Variants in TPRG1 observed in about 807,000 individuals in gnomAD.
TPRG1 encodes the protein tumor protein p63-regulated gene 1 protein.
A neutral mutation model predicts 29.3 loss-of-function variants in TPRG1; 29 were observed. That is an observed-to-expected ratio of 0.99 (90% CI 0.74 to 1.35). The LOEUF (loss-of-function observed/expected upper bound fraction) is 1.35. TPRG1 is among the 40% of genes most tolerant of loss of function. The probability of loss-of-function intolerance (pLI) is 0.00; values close to 1 mark genes in which losing one functional copy is unlikely to be tolerated. For missense variants in TPRG1, 327 were observed against 335.0 expected, an observed-to-expected ratio of 0.98 and a Z score of 0.19; for synonymous variants, 130 against 116.8, an observed-to-expected ratio of 1.11 and a Z score of -0.73.
intron 5 of TPRG1, among the ~76,000 whole-genome samples, chr3:189,155,728 C>G (rs559010736): frequency 1.3e-5 from 2 of 152,228 alleles, no homozygotes; most frequent in East Asian, 3.9e-4. Context: ...GTGGAATAAG[C>G]CAAGCACAGA....
At chr3:189,034,566 G>C (rs1026258734) in intron 4 of TPRG1, among the ~76,000 whole-genome samples, 1 of 152,090 alleles carries the variant, frequency 6.6e-6, no homozygotes, top group Non-Finnish European at 1.5e-5. Context: ...GTGAAATAAA[G>C]GCAAATGAAT....
At chr3:189,053,668 G>T (rs1169161210) in intron 4 of TPRG1, among the ~76,000 whole-genome samples, 7 of 152,152 alleles carry the variant, frequency 4.6e-5, no homozygotes, top group Non-Finnish European at 8.8e-5. Context: ...ATTTGAGACT[G>T]ATCTCCCATC....
At chr3:189,230,652 G>A (rs892468386) in intron 3 of TPRG1, among the ~76,000 whole-genome samples, 5 of 152,030 alleles carry the variant, frequency 3.3e-5, no homozygotes, top group Non-Finnish European at 7.4e-5. Context: ...TCTCTGTATT[G>A]ATGTGTCTGT....
intron 2 of TPRG1, among the ~76,000 whole-genome samples, chr3:189,127,882 A>T (rs1321068713): frequency 6.6e-6 from 1 of 152,114 alleles, no homozygotes; most frequent in Non-Finnish European, 1.5e-5. Flanking sequence ...AATTCCCTAT[A>T]TGCTTAGCTG....
chr3:188,999,945 A>G (rs1008527670), intron 1 of TPRG1, among the ~76,000 whole-genome samples: 9 of 152,128 alleles, frequency 5.9e-5, no homozygotes, highest in African/African-American at 1.9e-4. Context: ...GCATGATTTA[A>G]GAGTTTTGAT....
chr3:189,075,818 C>T (rs1717136075), intron 4 of TPRG1, among the ~76,000 whole-genome samples: 1 of 152,146 alleles, frequency 6.6e-6, no homozygotes, highest in Non-Finnish European at 1.5e-5. Context: ...CGGGGATAAC[C>T]CCATACTTAG....
At chr3:189,289,181 A>G (rs926679322) in intron 4 of TPRG1, among the ~76,000 whole-genome samples, 3 of 152,090 alleles carry the variant, frequency 2.0e-5, no homozygotes, top group Non-Finnish European at 4.4e-5. Context: ...TTTCCCCTAT[A>G]TCTTGCTTCC....
intron 3 of TPRG1, among the ~76,000 whole-genome samples, chr3:189,137,296 ATGTGTGTGTGTGTGTGTGTGTG>A (rs10525363): frequency 1.2e-4 from 16 of 129,904 alleles, no homozygotes; most frequent in African/African-American, 2.6e-4. Flanking sequence ...AAACCCCAAA[ATGTGTGTGTGTGTGTGTGTGTG>A]TGTGTGTGTG....
At chr3:189,156,300 T>C (rs891752904) in intron 5 of TPRG1, among the ~76,000 whole-genome samples, 5 of 152,010 alleles carry the variant, frequency 3.3e-5, no homozygotes, top group South Asian at 4.1e-4. Context: ...GTTTTTCTCT[T>C]AGATCCTCCA....
chr3:189,235,575 C>A (rs1020171667), intron 3 of TPRG1, among the ~76,000 whole-genome samples: 17 of 151,806 alleles, frequency 1.1e-4, no homozygotes, highest in African/African-American at 2.4e-5. Flanking sequence ...GGGACAAGGG[C>A]GGAAAAAGAC....
intron 3 of TPRG1, among the ~76,000 whole-genome samples, chr3:189,228,305 C>A (rs1738096185): frequency 6.6e-6 from 1 of 151,826 alleles, no homozygotes; most frequent in Admixed American, 6.5e-5. Flanking sequence ...ATACCAAAAC[C>A]AAAGACAGTA....
chr3:189,239,125 C>G (rs7618678), intron 4 of TPRG1, among the ~76,000 whole-genome samples: 29,734 of 152,030 alleles, frequency 0.2, 3,199 homozygotes, highest in African/African-American at 0.28. Flanking sequence ...TCACACTGCT[C>G]ATAAAGACAT....
chr3:189,006,991 G>T (rs567842511), intron 3 of TPRG1, among the ~76,000 whole-genome samples: 206 of 152,186 alleles, frequency 1.4e-3, no homozygotes, highest in African/African-American at 4.8e-3. Flanking sequence ...CATGGGCAAG[G>T]ACTTCATGTG....
chr3:189,151,478 A>T (rs1725924533), intron 5 of TPRG1, among the ~76,000 whole-genome samples: 1 of 152,110 alleles, frequency 6.6e-6, no homozygotes, highest in Non-Finnish European at 1.5e-5. Context: ...TTTGTGCTTA[A>T]TTACTGAGGC....
intron 1 of TPRG1, among the ~76,000 whole-genome samples, chr3:189,206,500 C>CT (rs11336790): frequency 0.3 from 38,968 of 131,062 alleles, 7,427 homozygotes; most frequent in African/African-American, 0.56. Context: ...GATGAACAAA[C>CT]TTTTTTTTTT....
intron 4 of TPRG1, among the ~76,000 whole-genome samples, chr3:189,053,474 C>A (rs922240349): frequency 6.6e-6 from 1 of 152,124 alleles, no homozygotes; most frequent in Non-Finnish European, 1.5e-5. Context: ...TTGAAACTTA[C>A]CAGATCACTG....
intron 4 of TPRG1, among the ~76,000 whole-genome samples, chr3:189,275,555 A>T (rs1715994750): frequency 1.3e-5 from 2 of 152,290 alleles, no homozygotes; most frequent in South Asian, 4.1e-4. Flanking sequence ...TATTCCAGGG[A>T]GAAGGTATAG....
At chr3:189,308,818 G>A (rs1371765356) in intron 4 of TPRG1, among the ~76,000 whole-genome samples, 1 of 152,092 alleles carries the variant, frequency 6.6e-6, no homozygotes, top group East Asian at 1.9e-4. Context: ...CATTGTGCAA[G>A]TTGTTTTAAT....
At chr3:189,230,443 A>C (rs962401802) in intron 3 of TPRG1, among the ~76,000 whole-genome samples, 2 of 151,934 alleles carry the variant, frequency 1.3e-5, no homozygotes, top group Non-Finnish European at 2.9e-5. Context: ...GCAAAAAAAA[A>C]ATGTGTTGTG....
Sources: allele counts gnomAD v4.1 joint callset (sites outside exome capture counted in the v4.1 genomes callset), GRCh38; gene constraint gnomAD v4.1.1; transcripts MANE v1.5; gene names NCBI Gene and HGNC (gene_info 2026-07-23, HGNC 2026-07-21).